The following PDZD8 variants were observed in gnomAD, a reference collection of about 807,000 sequenced individuals.
The protein encoded by PDZD8 is PDZ domain containing 8.
Under a neutral mutation model 85.8 loss-of-function variants are expected in PDZD8, and 14 were observed. The ratio of observed to expected loss-of-function variants is 0.16; its 90% CI spans 0.11 to 0.26. The LOEUF (loss-of-function observed/expected upper bound fraction) is 0.26. Ranked by LOEUF, PDZD8 falls within the 10% of genes least tolerant of loss-of-function variation. The probability of loss-of-function intolerance (pLI) is 1.00; values close to 1 mark genes in which losing one functional copy is unlikely to be tolerated. For synonymous variants in PDZD8, 592 were observed against 568.6 expected (o/e 1.04, Z -0.59); for missense variants, 1,197 against 1,424.3 (o/e 0.84, Z 2.57).
At chr10:117,328,983 G>C (rs535724021) in intron 2 of PDZD8, among the ~76,000 whole-genome samples, 22 of 152,268 alleles carry the variant, frequency 1.4e-4, no homozygotes, top group African/African-American at 5.1e-4. Flanking sequence ...CAGCCAGTTA[G>C]GTGAATATAG....
intron 2 of PDZD8, among the ~76,000 whole-genome samples, chr10:117,324,208 C>CAAAAAAAAA (rs60898350): frequency 3.4e-5 from 1 of 29,238 alleles, no homozygotes. Context: ...GACTCCATCT[C>CAAAAAAAAA]AAAAAAAAAA....
At chr10:117,352,260 A>C (rs1459707546) in intron 1 of PDZD8, among the ~76,000 whole-genome samples, 1 of 152,230 alleles carries the variant, frequency 6.6e-6, no homozygotes, top group East Asian at 1.9e-4. Context: ...AAAAATATGC[A>C]GAGGTCTAGA....
At chr10:117,356,494 C>T (rs1346579007) in intron 1 of PDZD8, among the ~76,000 whole-genome samples, 1 of 152,064 alleles carries the variant, frequency 6.6e-6, no homozygotes, top group African/African-American at 2.4e-5. Flanking sequence ...TCTAATTAGA[C>T]CTGAGTCTAA....
intron 2 of PDZD8, among the ~76,000 whole-genome samples, chr10:117,333,342 C>T (rs1374363159): frequency 6.6e-6 from 1 of 151,906 alleles, no homozygotes; most frequent in Non-Finnish European, 1.5e-5. Context: ...CTACATATTG[C>T]AGATAATAAG....
At chr10:117,354,218 T>C (rs1385254536) in intron 1 of PDZD8, among the ~76,000 whole-genome samples, 4 of 152,216 alleles carry the variant, frequency 2.6e-5, no homozygotes, top group Non-Finnish European at 1.5e-5. Flanking sequence ...TGTTTCCTTT[T>C]CTTAAAAAGA....
intron 2 of PDZD8, among the ~76,000 whole-genome samples, chr10:117,333,653 A>G (rs972077372): frequency 6.6e-6 from 1 of 152,242 alleles, no homozygotes; most frequent in African/African-American, 2.4e-5. Flanking sequence ...AACTACTAAA[A>G]TAGCTCCTCT....
At chr10:117,342,500 C>T (rs1430246459) in intron 1 of PDZD8, among the ~76,000 whole-genome samples, 2 of 151,860 alleles carry the variant, frequency 1.3e-5, no homozygotes, top group Non-Finnish European at 2.9e-5. Flanking sequence ...TTTCTTGAGA[C>T]ACAGTCTTGC....
intron 2 of PDZD8, among the ~76,000 whole-genome samples, chr10:117,338,580 CT>C (rs1338297908): frequency 3.9e-5 from 6 of 152,178 alleles, no homozygotes; most frequent in African/African-American, 1.4e-4. Context: ...ACCTTGACCC[CT>C]GTCCATCATC....
intron 1 of PDZD8, among the ~76,000 whole-genome samples, chr10:117,359,070 T>A (rs1005827038): frequency 2.0e-5 from 3 of 152,062 alleles, no homozygotes; most frequent in South Asian, 2.1e-4. Context: ...TGATTTTTTT[T>A]AATTGCGTCC....
At chr10:117,345,071 T>C (rs12253435) in intron 1 of PDZD8, among the ~76,000 whole-genome samples, 2,589 of 152,254 alleles carry the variant, frequency 0.017, 87 homozygotes, top group African/African-American at 0.06. Context: ...TCTTCACCCC[T>C]AGCTCCAGAG....
At position 117,305,426 on chromosome 10, in the gene PDZD8, C is replaced by A. The variant is rs182936515; in HGVS notation, c.1098+13446G>T. Among the ~76,000 whole-genome samples, 1,172 of 150,302 alleles carry A rather than the reference C, an allele frequency of 7.8e-3. 11 individuals are homozygous for A. Among genetic ancestry groups the A allele is most frequent in the African/African-American group, 0.025 (1,003 of 40,838 alleles). On this transcript the variant is annotated intron_variant, in intron 3 of 4. Transcript: ENST00000334464. ...AGACTCTGTCTCAAAAACAAACAAA[C>A]AAACAAACAAAATACACACACACAC...
intron 1 of PDZD8, among the ~76,000 whole-genome samples, chr10:117,343,690 T>C (rs1390139863): frequency 6.6e-6 from 1 of 152,230 alleles, no homozygotes; most frequent in Non-Finnish European, 1.5e-5. Context: ...GAATGTTATA[T>C]GGATTAAAGT....
chr10:117,353,075 C>G (rs1589587636), intron 1 of PDZD8, among the ~76,000 whole-genome samples: 1 of 152,126 alleles, frequency 6.6e-6, no homozygotes, highest in East Asian at 1.9e-4. Flanking sequence ...CATTATAAAG[C>G]TGTATAATTT....
intron 2 of PDZD8, among the ~76,000 whole-genome samples, chr10:117,336,041 T>C (rs537836584): frequency 1.2e-4 from 19 of 152,208 alleles, no homozygotes; most frequent in Admixed American, 8.5e-4. Flanking sequence ...AATATTTGCT[T>C]ATATTTAACG....
intron 2 of PDZD8, among the ~76,000 whole-genome samples, chr10:117,337,783 T>C (rs1008661212): frequency 1.4e-4 from 22 of 152,326 alleles, no homozygotes; most frequent in African/African-American, 5.1e-4. Context: ...AGTAGCTCCC[T>C]TGCCCATTTC....
Position 117,374,299 on chromosome 10 carries a change from GTCCCGCCCAGGCCCGGGT to G in PDZD8, c.872+39_872+56del. On this transcript the variant is annotated intron_variant, in intron 1 of 4. Transcript: ENST00000334464. This position sits in a 1 kb window ranked among gnomAD's most constrained non-coding sequence, Gnocchi z 7.8. ...CTTTGCCCTTCCCAATCCACGCAGCGTCCCGCCCAGGCCCGGGTTCCCGGCAGCCAGGCCCCCTCCCCG... is the reference window on the plus strand; with the variant it reads ...CTTTGCCCTTCCCAATCCACGCAGCGTCCCGGCAGCCAGGCCCCCTCCCCG... 6.3e-7 allele frequency: 1 copy of G among 1,588,324 alleles called. No individual in the cohort carries two copies. Among genetic ancestry groups the G allele is most frequent in the Non-Finnish European group, 8.6e-7 (1 of 1,166,340 alleles).
At chr10:117,369,914 A>G (rs1404876810) in intron 1 of PDZD8, among the ~76,000 whole-genome samples, 2 of 152,178 alleles carry the variant, frequency 1.3e-5, no homozygotes, top group Non-Finnish European at 2.9e-5. Flanking sequence ...GCTTGTCTAT[A>G]TACAATAATA....
At chr10:117,299,601 T>A (rs1843812300) in intron 3 of PDZD8, among the ~76,000 whole-genome samples, 1 of 152,170 alleles carries the variant, frequency 6.6e-6, no homozygotes, top group Admixed American at 6.6e-5. Context: ...CTTATTGTAG[T>A]CTGTTGTTGA....
chr10:117,291,947 T>G (rs1280562183), intron 3 of PDZD8, among the ~76,000 whole-genome samples: 1 of 152,128 alleles, frequency 6.6e-6, no homozygotes, highest in African/African-American at 2.4e-5. Context: ...TCAGTCTAAT[T>G]GTATTATTCT....
Sources: allele counts gnomAD v4.1 joint callset (sites outside exome capture counted in the v4.1 genomes callset), GRCh38; gene constraint gnomAD v4.1.1; non-coding constraint Gnocchi (gnomAD v3.1); transcripts MANE v1.5; gene names NCBI Gene and HGNC (gene_info 2026-07-23, HGNC 2026-07-21).